COL21A1: variants seen among roughly 807,000 people sequenced by gnomAD.
The protein encoded by COL21A1 is collagen type XXI alpha 1 chain.
A neutral mutation model predicts 137.9 loss-of-function variants in COL21A1; 149 were observed. That is an observed-to-expected ratio of 1.08 (90% CI 0.95 to 1.24). The LOEUF (loss-of-function observed/expected upper bound fraction) is 1.24, where lower values mean the gene tolerates loss of function less well. Ranked by LOEUF, COL21A1 falls within the 50% of genes most tolerant of loss-of-function variation. The probability of loss-of-function intolerance (pLI) is 0.00; values close to 1 mark genes in which losing one functional copy is unlikely to be tolerated. For missense variants in COL21A1, 1,167 were observed against 1,158.4 expected, an observed-to-expected ratio of 1.01 and a Z score of -0.11; for synonymous variants, 456 against 391.5, an observed-to-expected ratio of 1.16 and a Z score of -1.95.
At position 56,196,280 on chromosome 6, in the gene COL21A1, G is replaced by C. The variant is rs9475611; in HGVS notation, c.-38-13624C>G. ...GCTAACATTATACTAATGGTTAAAA[G>C]CTGAAAGCTTTTCCTCTAAGATCAG... On this transcript the variant is annotated intron_variant, in intron 1 of 29. Coordinates refer to ENST00000244728, the MANE Select transcript of COL21A1 (RefSeq NM_030820.4). Among the ~76,000 whole-genome samples, 764 of 152,142 alleles carry C rather than the reference G, an allele frequency of 5.0e-3. 7 individuals are homozygous for C. The highest frequency in any genetic ancestry group is 0.018 in the African/African-American group (730 of 41,522).
chr6:56,118,548 AG>A (rs1175469991), intron 16 of COL21A1, among the ~76,000 whole-genome samples: 3 of 152,090 alleles, frequency 2.0e-5, no homozygotes, highest in African/African-American at 4.8e-5. Flanking sequence ...TGAAAAATAG[AG>A]GAAGAAGGAA....
At chr6:56,234,698 A>G (rs1364471640) in intron 1 of COL21A1, among the ~76,000 whole-genome samples, 1 of 151,786 alleles carries the variant, frequency 6.6e-6, no homozygotes, top group South Asian at 2.1e-4. Context: ...TCCCAATTCA[A>G]TAGCTCCCTC....
chr6:56,327,677 G>A (rs1474703224), intron 1 of COL21A1, among the ~76,000 whole-genome samples: 7 of 152,036 alleles, frequency 4.6e-5, no homozygotes, highest in Non-Finnish European at 7.4e-5. Flanking sequence ...GTTTGGAATC[G>A]TGGCTGAGAT....
chr6:56,093,371 T>C (rs1324943404), intron 17 of COL21A1, among the ~76,000 whole-genome samples: 3 of 152,326 alleles, frequency 2.0e-5, no homozygotes, highest in Non-Finnish European at 2.9e-5. Context: ...CTAAATCTTG[T>C]TATCTAAATC....
chr6:56,281,979 C>T (rs1033905238), intron 1 of COL21A1, among the ~76,000 whole-genome samples: 1 of 152,100 alleles, frequency 6.6e-6, no homozygotes, highest in Non-Finnish European at 1.5e-5. Flanking sequence ...ACCAAATAAA[C>T]TTTGCTGTGA....
intron 1 of COL21A1, among the ~76,000 whole-genome samples, chr6:56,263,650 T>C (rs1378805281): frequency 6.6e-6 from 1 of 152,226 alleles, no homozygotes; most frequent in Non-Finnish European, 1.5e-5. Flanking sequence ...TCCCAAATCA[T>C]AGCTCACTTA....
intron 17 of COL21A1, among the ~76,000 whole-genome samples, chr6:56,097,822 C>CATATAAATATATATAAAT (rs1269340055): frequency 2.5e-5 from 1 of 40,482 alleles, no homozygotes; most frequent in African/African-American, 1.0e-4. Context: ...TATATAAATA[C>CATATAAATATATATAAAT]ATATAAATAT....
At chr6:56,381,388 C>G (rs2094008468) in intron 1 of COL21A1, among the ~76,000 whole-genome samples, 1 of 152,200 alleles carries the variant, frequency 6.6e-6, no homozygotes, top group Admixed American at 6.5e-5. Flanking sequence ...CAGAAACAAG[C>G]TATCTCTCCA....
At chr6:56,258,722 C>T (rs966707503) in intron 1 of COL21A1, among the ~76,000 whole-genome samples, 2 of 152,006 alleles carry the variant, frequency 1.3e-5, no homozygotes, top group African/African-American at 4.8e-5. Context: ...CATTGTAGGA[C>T]CTCCAGAAAT....
chr6:56,361,472 C>T (rs1273206978), intron 1 of COL21A1, among the ~76,000 whole-genome samples: 1 of 152,120 alleles, frequency 6.6e-6, no homozygotes, highest in Non-Finnish European at 1.5e-5. Context: ...GATTATTTTT[C>T]ATCCTTATAA....
intron 1 of COL21A1, among the ~76,000 whole-genome samples, chr6:56,211,111 A>G (rs1431469081): frequency 6.7e-6 from 1 of 148,740 alleles, no homozygotes; most frequent in Non-Finnish European, 1.5e-5. Flanking sequence ...TTATAAATAT[A>G]TATAATCTTT....
chr6:56,365,028 C>T (rs1231931647), intron 1 of COL21A1, among the ~76,000 whole-genome samples: 1 of 152,112 alleles, frequency 6.6e-6, no homozygotes, highest in Non-Finnish European at 1.5e-5. Flanking sequence ...CAGAACTTTG[C>T]TTCATACATA....
At chr6:56,123,641 A>C (rs1277561863) in intron 16 of COL21A1, among the ~76,000 whole-genome samples, 1 of 152,194 alleles carries the variant, frequency 6.6e-6, no homozygotes, top group Non-Finnish European at 1.5e-5. Context: ...TTTCATAGAC[A>C]ATGAATTATT....
chr6:56,319,910 C>A (rs2152341128), intron 1 of COL21A1, among the ~76,000 whole-genome samples: 1 of 152,186 alleles, frequency 6.6e-6, no homozygotes, highest in African/African-American at 2.4e-5. Context: ...AACTTTGTGG[C>A]CTCATACAGA....
intron 1 of COL21A1, among the ~76,000 whole-genome samples, chr6:56,207,112 A>G (rs1344492673): frequency 2.0e-5 from 3 of 152,188 alleles, no homozygotes; most frequent in Admixed American, 6.5e-5. Flanking sequence ...TGACACCCTA[A>G]CATCAAAATT....
intron 1 of COL21A1, among the ~76,000 whole-genome samples, chr6:56,241,203 G>C (rs1353156731): frequency 6.6e-6 from 1 of 152,134 alleles, no homozygotes; most frequent in Non-Finnish European, 1.5e-5. Flanking sequence ...TAACAAGACT[G>C]GTGCCCTCAG....
At chr6:56,264,755 A>G (rs561108481) in intron 1 of COL21A1, among the ~76,000 whole-genome samples, 9 of 152,158 alleles carry the variant, frequency 5.9e-5, no homozygotes, top group Non-Finnish European at 1.2e-4. Context: ...TACACCCTAA[A>G]TTTAATCCAT....
At chr6:56,071,895 T>A (rs758844416) in intron 20 of COL21A1, among the ~76,000 whole-genome samples, 18 of 151,562 alleles carry the variant, frequency 1.2e-4, no homozygotes, top group Non-Finnish European at 1.8e-4. Flanking sequence ...GGTGGTTTGC[T>A]GCACCTATCA....
intron 14 of COL21A1, among the ~76,000 whole-genome samples, chr6:56,124,711 C>T (rs1371013459): frequency 6.6e-6 from 1 of 151,720 alleles, no homozygotes; most frequent in Non-Finnish European, 1.5e-5. Context: ...GTGCAATCTC[C>T]GCTCACTGCA....
Sources: gnomAD v4.1 joint callset for allele counts (sites outside exome capture counted in the v4.1 genomes callset) on GRCh38, gnomAD v4.1.1 for gene constraint, MANE v1.5 for transcripts, NCBI Gene and HGNC (gene_info 2026-07-23, HGNC 2026-07-21) for gene names.